The following ROBO2 variants were observed in gnomAD, a reference collection of about 807,000 sequenced individuals.
ROBO2 encodes the protein roundabout homolog 2.
A neutral mutation model predicts 160.8 loss-of-function variants in ROBO2; 53 were observed. That is an observed-to-expected ratio of 0.33 (90% CI 0.26 to 0.41). The LOEUF is 0.41. ROBO2 is among the 10% of genes least tolerant of loss of function. The probability of loss-of-function intolerance (pLI) is 1.00; values close to 1 mark genes in which losing one functional copy is unlikely to be tolerated. For missense variants in ROBO2, 1,577 were observed against 1,722.4 expected (o/e 0.92, Z 1.49); for synonymous variants, 664 against 611.7 (o/e 1.09, Z -1.26).
chr3:77,648,774 G>A (rs952429113), exon 26 of ROBO2: 2 of 152,116 alleles, frequency 1.3e-5, no homozygotes, highest in African/African-American at 4.8e-5. Context: ...ATACCTATGA[G>A]AGCCACAGCA....
At chr3:76,451,071 G>C (rs928269399) in intron 2 of ROBO2, among the ~76,000 whole-genome samples, 1 of 152,028 alleles carries the variant, frequency 6.6e-6, no homozygotes, top group African/African-American at 2.4e-5. Context: ...TCTTTGGTAG[G>C]TTGTGTAACA....
intron 1 of ROBO2, among the ~76,000 whole-genome samples, chr3:77,064,579 T>C (rs2149792382): frequency 6.9e-6 from 1 of 145,476 alleles, no homozygotes; most frequent in East Asian, 2.1e-4. Context: ...CCGGCTGGTC[T>C]TGAACTCCTG....
At chr3:77,355,325 T>C (rs1240339044) in intron 2 of ROBO2, among the ~76,000 whole-genome samples, 1 of 152,214 alleles carries the variant, frequency 6.6e-6, no homozygotes, top group Non-Finnish European at 1.5e-5. Context: ...TCTGTAGCCC[T>C]CTGAGTCTGG....
At chr3:76,267,533 T>A (rs553715205) in intron 2 of ROBO2, among the ~76,000 whole-genome samples, 1 of 152,314 alleles carries the variant, frequency 6.6e-6, no homozygotes, top group East Asian at 1.9e-4. Context: ...AATTTAATTA[T>A]GCTATCAAAC....
At chr3:77,118,334 T>C (rs1244324926) in intron 2 of ROBO2, among the ~76,000 whole-genome samples, 1 of 152,180 alleles carries the variant, frequency 6.6e-6, no homozygotes, top group Non-Finnish European at 1.5e-5. Flanking sequence ...AAAGACACAA[T>C]TTAAAAAATG....
At chr3:77,327,779 G>A (rs1336176082) in intron 2 of ROBO2, among the ~76,000 whole-genome samples, 1 of 152,094 alleles carries the variant, frequency 6.6e-6, no homozygotes, top group Admixed American at 6.6e-5. Context: ...GCCAGGTGTC[G>A]TGGCTCATGC....
At chr3:76,633,355 T>C (rs992079046) in intron 2 of ROBO2, among the ~76,000 whole-genome samples, 1 of 152,206 alleles carries the variant, frequency 6.6e-6, no homozygotes, top group Non-Finnish European at 1.5e-5. Context: ...GATCCCCTGA[T>C]ATTTGTGAAT....
chr3:75,910,069 A>G (rs1946503363), intron 1 of ROBO2, among the ~76,000 whole-genome samples: 1 of 152,178 alleles, frequency 6.6e-6, no homozygotes, highest in South Asian at 2.1e-4. Context: ...GAGGGGCAAG[A>G]GGACTTGGAA....
chr3:77,089,687 A>G (rs982011957), intron 1 of ROBO2, among the ~76,000 whole-genome samples: 3 of 152,208 alleles, frequency 2.0e-5, no homozygotes, highest in Non-Finnish European at 4.4e-5. Context: ...AGAGAGTTTT[A>G]GCAAATTTCA....
chr3:76,044,084 A>G (rs1473315873), intron 2 of ROBO2, among the ~76,000 whole-genome samples: 1 of 152,078 alleles, frequency 6.6e-6, no homozygotes, highest in East Asian at 1.9e-4. Context: ...TTGGGAGACA[A>G]AGAAAAGAGA....
intron 23 of ROBO2, among the ~76,000 whole-genome samples, chr3:77,626,779 G>C (rs1478114996): frequency 6.6e-6 from 1 of 152,166 alleles, no homozygotes; most frequent in Admixed American, 6.5e-5. Context: ...GCTGTTCAGT[G>C]AAACAAGTAA....
At chr3:77,627,455 T>G (rs2095054034) in intron 23 of ROBO2, among the ~76,000 whole-genome samples, 2 of 152,134 alleles carry the variant, frequency 1.3e-5, no homozygotes, top group African/African-American at 2.4e-5. Flanking sequence ...ATTTTTTTTT[T>G]TGTATTTTTA....
chr3:76,784,605 T>C (rs1194219480), intron 2 of ROBO2, among the ~76,000 whole-genome samples: 4 of 151,148 alleles, frequency 2.6e-5, no homozygotes, highest in African/African-American at 9.7e-5. Flanking sequence ...TGGAGATGCA[T>C]AAGATGCCAG....
intron 2 of ROBO2, among the ~76,000 whole-genome samples, chr3:77,380,281 C>G (rs1320808524): frequency 6.6e-6 from 1 of 152,184 alleles, no homozygotes; most frequent in African/African-American, 2.4e-5. Context: ...ACTAGCATGT[C>G]TCATCTGTTC....
chr3:76,848,062 T>A (rs2068947579), intron 2 of ROBO2, among the ~76,000 whole-genome samples: 1 of 152,228 alleles, frequency 6.6e-6, no homozygotes, highest in Non-Finnish European at 1.5e-5. Flanking sequence ...TACTTTCTCA[T>A]GCTGTAGAAC....
chr3:77,554,597 G>C (rs1390355415), intron 8 of ROBO2, among the ~76,000 whole-genome samples: 1 of 151,920 alleles, frequency 6.6e-6, no homozygotes, highest in Non-Finnish European at 1.5e-5. Context: ...AGTTTGGAAA[G>C]TTGGATGACT....
intron 5 of ROBO2, among the ~76,000 whole-genome samples, chr3:77,508,199 C>A (rs1474138821): frequency 6.6e-6 from 1 of 151,128 alleles, no homozygotes; most frequent in Non-Finnish European, 1.5e-5. Context: ...ATTGAAAGTT[C>A]CAGCCACCTC....
intron 6 of ROBO2, among the ~76,000 whole-genome samples, chr3:77,536,967 C>T (rs1226923851): frequency 6.6e-6 from 1 of 151,992 alleles, no homozygotes; most frequent in Non-Finnish European, 1.5e-5. Flanking sequence ...GCATTCTTTC[C>T]ATTCTAGATT....
intron 2 of ROBO2, among the ~76,000 whole-genome samples, chr3:76,213,642 T>C (rs919163118): frequency 2.0e-5 from 3 of 152,288 alleles, no homozygotes; most frequent in African/African-American, 7.2e-5. Flanking sequence ...ATATCTTGCA[T>C]TTATCAAAGT....
Sources: allele counts gnomAD v4.1 joint callset (sites outside exome capture counted in the v4.1 genomes callset), GRCh38; gene constraint gnomAD v4.1.1; transcripts MANE v1.5; gene names NCBI Gene and HGNC (gene_info 2026-07-23, HGNC 2026-07-21).